SND1: variants seen among roughly 807,000 people sequenced by gnomAD.
SND1 encodes the protein staphylococcal nuclease and tudor domain containing 1, also known as staphylococcal nuclease domain-containing protein 1.
In SND1, 38 loss-of-function variants were observed where a neutral mutation model predicts 121.7. The observed-to-expected ratio is 0.31, with a 90% confidence interval of 0.24 to 0.41. The LOEUF is 0.41. Among genes scored for constraint, SND1 ranks in the 10% least tolerant of loss-of-function variants. The pLI is 1.00. For missense variants in SND1, 868 were observed against 1,184.6 expected, an observed-to-expected ratio of 0.73 and a Z score of 3.92; for synonymous variants, 401 against 447.4, an observed-to-expected ratio of 0.90 and a Z score of 1.31.
intron 10 of SND1, among the ~76,000 whole-genome samples, chr7:127,722,988 A>T (rs1169619963): frequency 6.6e-6 from 1 of 152,230 alleles, no homozygotes; most frequent in East Asian, 1.9e-4. Flanking sequence ...GGAGTAGTCC[A>T]CAATTCTGCA....
intron 14 of SND1, among the ~76,000 whole-genome samples, chr7:127,909,835 C>G (rs976810382): frequency 6.6e-6 from 1 of 152,168 alleles, no homozygotes; most frequent in Non-Finnish European, 1.5e-5. Context: ...ATTCATGAAA[C>G]GAAGTCTTAC....
At chr7:127,667,988 A>G (rs1468137872) in intron 1 of SND1, among the ~76,000 whole-genome samples, 1 of 152,230 alleles carries the variant, frequency 6.6e-6, no homozygotes, top group Non-Finnish European at 1.5e-5. Flanking sequence ...CAACATGGCT[A>G]CAGTCTCAGG....
At chr7:127,892,754 C>G (rs1477267327) in intron 13 of SND1, among the ~76,000 whole-genome samples, 3 of 152,102 alleles carry the variant, frequency 2.0e-5, no homozygotes, top group Non-Finnish European at 2.9e-5. Context: ...TGTTGTCCCA[C>G]AGTTCTGAGA....
chr7:127,990,933 T>C lies in SND1; in HGVS notation c.1670-14T>C. ...CACCTTTTCATCACAGATTCTACTTTTCTCCTGACACAGGCATTGAATGCC... is the reference window on the plus strand; with the variant it reads ...CACCTTTTCATCACAGATTCTACTTCTCTCCTGACACAGGCATTGAATGCC... On this transcript the variant is annotated splice_polypyrimidine_tract_variant and intron_variant, in intron 15 of 23. Transcript: ENST00000354725. The C allele has an allele frequency of 1.2e-6, 2 of 1,602,652 alleles. No individual in the cohort carries two copies. The highest frequency in any genetic ancestry group is 1.7e-6 in the Non-Finnish European group (2 of 1,171,602).
chr7:127,838,045 T>C (rs933579814), intron 11 of SND1, among the ~76,000 whole-genome samples: 12 of 152,138 alleles, frequency 7.9e-5, no homozygotes, highest in African/African-American at 2.7e-4. Context: ...CTAATTCCAA[T>C]TGGCTATTTT....
intron 15 of SND1, among the ~76,000 whole-genome samples, chr7:127,982,162 CT>C (rs1374878924): frequency 3.9e-5 from 6 of 152,338 alleles, no homozygotes; most frequent in African/African-American, 1.4e-4. Context: ...AAGCACCGCA[CT>C]TCCTGTCTGT....
intron 12 of SND1, among the ~76,000 whole-genome samples, chr7:127,864,571 T>G (rs1210518293): frequency 6.6e-6 from 1 of 152,192 alleles, no homozygotes; most frequent in Non-Finnish European, 1.5e-5. Flanking sequence ...TGTTAGAATT[T>G]TATTACTTTG....
chr7:127,881,245 A>G (rs958343477), intron 12 of SND1, among the ~76,000 whole-genome samples: 5 of 152,110 alleles, frequency 3.3e-5, no homozygotes, highest in African/African-American at 1.2e-4. Flanking sequence ...CTCCCCTATG[A>G]AAAGGGGTAC....
intron 16 of SND1, among the ~76,000 whole-genome samples, chr7:127,997,115 T>C (rs1246525637): frequency 6.6e-6 from 1 of 152,218 alleles, no homozygotes; most frequent in African/African-American, 2.4e-5. Flanking sequence ...TGTCTTACAG[T>C]TCAGGACACC....
rs562986778 is a variant in SND1, at chr7:128,047,885, T to G, written c.1780-26617T>G. 3.3e-5 allele frequency among the ~76,000 whole-genome samples: 5 copies of G among 152,268 alleles called. No homozygotes were observed. In the South Asian group the frequency reaches 1.0e-3, roughly 32 times the overall value. The stretch of plus-strand genomic sequence containing the variant: ...TTTTTGAGACGAAATTTCGCTCTTA[T>G]TGCCCAGGCTAGAGTGCAATGGTGT... On this transcript the variant is annotated intron_variant, in intron 16 of 23. Transcript: ENST00000354725.
intron 16 of SND1, among the ~76,000 whole-genome samples, chr7:128,020,789 A>C (rs1391214620): frequency 6.6e-6 from 1 of 152,234 alleles, no homozygotes; most frequent in Non-Finnish European, 1.5e-5. Context: ...CAGCAAGCGC[A>C]CAGAATGGGC....
At chr7:127,764,450 A>G (rs1797374120) in intron 10 of SND1, among the ~76,000 whole-genome samples, 1 of 152,114 alleles carries the variant, frequency 6.6e-6, no homozygotes, top group South Asian at 2.1e-4. Flanking sequence ...CATGCTCATT[A>G]AGTTTGTGGT....
chr7:128,085,802 G>A lies in SND1; in HGVS notation c.2304+22G>A. 1.2e-6 allele frequency: 2 copies of A among 1,603,880 alleles called. No homozygotes were observed. Among genetic ancestry groups the A allele is most frequent in the African/African-American group, 1.3e-5 (1 of 74,792 alleles). Reference sequence around the variant, plus strand: ...CAACGTGAGTGTTGGGGACCAGAGTGTTGGAGGGGCTATCAAACACAGCAG... The same window carrying A: ...CAACGTGAGTGTTGGGGACCAGAGTATTGGAGGGGCTATCAAACACAGCAG... On this transcript the variant is annotated intron_variant, in intron 20 of 23. Transcript: ENST00000354725. This position sits in a 1 kb window ranked among gnomAD's most constrained non-coding sequence, Gnocchi z 4.4.
chr7:127,821,684 T>C (rs2116606104), intron 11 of SND1, among the ~76,000 whole-genome samples: 1 of 148,450 alleles, frequency 6.7e-6, no homozygotes, highest in South Asian at 2.2e-4. Context: ...ACTTGTTCTT[T>C]ACATTTTAAA....
chr7:127,990,492 A>T (rs1802495722), intron 15 of SND1, among the ~76,000 whole-genome samples: 1 of 152,192 alleles, frequency 6.6e-6, no homozygotes, highest in Non-Finnish European at 1.5e-5. Flanking sequence ...TTTGGTGTAA[A>T]AGTCAGACAG....
chr7:128,064,004 A>G (rs1462756772), intron 16 of SND1, among the ~76,000 whole-genome samples: 1 of 152,234 alleles, frequency 6.6e-6, no homozygotes, highest in African/African-American at 2.4e-5. Context: ...AGAACAAGGA[A>G]AGGATTTCAG....
At chr7:127,982,399 A>G (rs1010515323) in intron 15 of SND1, among the ~76,000 whole-genome samples, 2 of 152,026 alleles carry the variant, frequency 1.3e-5, no homozygotes, top group Admixed American at 1.3e-4. Flanking sequence ...CCCAGTTCTG[A>G]CTCCCCTGAC....
chr7:128,042,119 G>A (rs1282154150), intron 16 of SND1, among the ~76,000 whole-genome samples: 1 of 152,154 alleles, frequency 6.6e-6, no homozygotes. Context: ...TTGTATGGCA[G>A]CCCAGTGAGG....
At chr7:128,024,737 C>G (rs1162722281) in intron 16 of SND1, among the ~76,000 whole-genome samples, 2 of 152,206 alleles carry the variant, frequency 1.3e-5, no homozygotes, top group Non-Finnish European at 2.9e-5. Context: ...TAGGATGCAG[C>G]TGAAGGGTGT....
Sources: gnomAD v4.1 joint callset for allele counts (sites outside exome capture counted in the v4.1 genomes callset) on GRCh38, gnomAD v4.1.1 for gene constraint, Gnocchi (gnomAD v3.1) non-coding constraint, MANE v1.5 for transcripts, NCBI Gene and HGNC (gene_info 2026-07-23, HGNC 2026-07-21) for gene names.